Variants in RALYL observed in about 807,000 individuals in gnomAD.
RALYL encodes the protein RALY RNA binding protein like.
In RALYL, 29 loss-of-function variants were observed where a neutral mutation model predicts 35.1. The observed-to-expected ratio is 0.83, with a 90% CI of 0.61 to 1.13. The LOEUF (loss-of-function observed/expected upper bound fraction) is 1.13. Ranked by LOEUF, RALYL falls within the 50% of genes most tolerant of loss-of-function variation. The probability of loss-of-function intolerance (pLI) is 0.00; values close to 1 mark genes in which losing one functional copy is unlikely to be tolerated. For missense variants in RALYL, 359 were observed against 360.4 expected, an observed-to-expected ratio of 1.00 and a Z score of 0.03; for synonymous variants, 120 against 127.6, an observed-to-expected ratio of 0.94 and a Z score of 0.40.
chr8:84,418,870 C>T (rs111605002), intron 1 of RALYL, among the ~76,000 whole-genome samples: 4,450 of 152,162 alleles, frequency 0.029, 217 homozygotes, highest in African/African-American at 0.1. Flanking sequence ...CCTGCCATTT[C>T]TTTGGATTTT....
intron 2 of RALYL, among the ~76,000 whole-genome samples, chr8:84,597,283 C>A (rs1814788205): frequency 6.6e-6 from 1 of 152,092 alleles, no homozygotes; most frequent in Admixed American, 6.6e-5. Context: ...ACTTTCTTCC[C>A]CAATTCTCTA....
intron 1 of RALYL, among the ~76,000 whole-genome samples, chr8:84,445,499 T>TA: frequency 6.6e-6 from 1 of 152,028 alleles, no homozygotes; most frequent in African/African-American, 2.4e-5. Context: ...GTATTAAAAC[T>TA]GTAGTACGTG....
At chr8:84,443,834 T>C (rs1307341147) in intron 1 of RALYL, among the ~76,000 whole-genome samples, 3 of 152,074 alleles carry the variant, frequency 2.0e-5, no homozygotes, top group Admixed American at 2.0e-4. Context: ...ACTTCTTAAT[T>C]ACATACTAAT....
chr8:84,750,561 C>T (rs879817938), intron 2 of RALYL, among the ~76,000 whole-genome samples: 2 of 152,118 alleles, frequency 1.3e-5, no homozygotes, highest in African/African-American at 2.4e-5. Context: ...ATGTAATCCT[C>T]AATTTGCCAG....
intron 2 of RALYL, among the ~76,000 whole-genome samples, chr8:84,587,818 A>T (rs987814471): frequency 2.6e-5 from 4 of 152,342 alleles, no homozygotes; most frequent in African/African-American, 9.6e-5. Flanking sequence ...CATTCTACTA[A>T]GGATGGCTGG....
intron 8 of RALYL, among the ~76,000 whole-genome samples, chr8:84,904,875 C>T (rs1846234284): frequency 6.6e-6 from 1 of 152,024 alleles, no homozygotes; most frequent in Non-Finnish European, 1.5e-5. Flanking sequence ...ATATTCCACC[C>T]AATTTTCTTA....
At chr8:84,868,108 G>A (rs926157314) in intron 6 of RALYL, among the ~76,000 whole-genome samples, 3 of 152,070 alleles carry the variant, frequency 2.0e-5, no homozygotes, top group African/African-American at 4.8e-5. Context: ...GCAGTGGGGG[G>A]TAGGAGGGTG....
intron 3 of RALYL, among the ~76,000 whole-genome samples, chr8:84,804,286 C>A (rs1034219474): frequency 6.6e-6 from 1 of 152,162 alleles, no homozygotes; most frequent in Admixed American, 6.5e-5. Context: ...TGAGCTGACA[C>A]TACCCCACCC....
chr8:84,492,891 G>A (rs990274408), intron 1 of RALYL, among the ~76,000 whole-genome samples: 11 of 146,752 alleles, frequency 7.5e-5, no homozygotes, highest in Non-Finnish European at 1.2e-4. Flanking sequence ...ACTTAGAGTA[G>A]ACACAATATA....
chr8:84,663,307 T>A (rs2131683039), intron 2 of RALYL, among the ~76,000 whole-genome samples: 1 of 152,310 alleles, frequency 6.6e-6, no homozygotes, highest in South Asian at 2.1e-4. Context: ...TGTGCATGTA[T>A]CTTTATAATA....
chr8:84,206,894 G>A (rs1214192168), intron 1 of RALYL, among the ~76,000 whole-genome samples: 1 of 152,092 alleles, frequency 6.6e-6, no homozygotes, highest in African/African-American at 2.4e-5. Flanking sequence ...AAGAAGAAAT[G>A]CAAATGGCCA....
intron 1 of RALYL, among the ~76,000 whole-genome samples, chr8:84,448,389 T>C (rs1421016999): frequency 6.6e-6 from 1 of 152,070 alleles, no homozygotes; most frequent in Non-Finnish European, 1.5e-5. Flanking sequence ...GTGCAACTCA[T>C]GGACAATTTC....
chr8:84,808,503 A>G (rs1275131699), intron 4 of RALYL, among the ~76,000 whole-genome samples: 1 of 152,074 alleles, frequency 6.6e-6, no homozygotes, highest in Non-Finnish European at 1.5e-5. Flanking sequence ...TTTTGGTTCC[A>G]TATGAATTTT....
At chr8:84,441,283 TC>T (rs2048304189) in intron 1 of RALYL, among the ~76,000 whole-genome samples, 1 of 152,062 alleles carries the variant, frequency 6.6e-6, no homozygotes, top group South Asian at 2.1e-4. Flanking sequence ...CTCTACAGAT[TC>T]AAAAGTAAAT....
At chr8:84,219,034 T>C (rs920078225) in intron 1 of RALYL, among the ~76,000 whole-genome samples, 4 of 152,052 alleles carry the variant, frequency 2.6e-5, no homozygotes, top group Admixed American at 2.6e-4. Context: ...TCTTGGATAA[T>C]GTGATGCAGA....
chr8:84,435,221 C>T (rs1350894611), intron 1 of RALYL, among the ~76,000 whole-genome samples: 3 of 152,072 alleles, frequency 2.0e-5, no homozygotes, highest in Non-Finnish European at 4.4e-5. Flanking sequence ...AGCTTACTAG[C>T]CTACACAGAT....
intron 2 of RALYL, 105 bp downstream of exon 2, chr8:84,529,682 C>A: frequency 8.2e-6 from 7 of 852,602 alleles, no homozygotes; most frequent in South Asian, 2.6e-5. Context: ...CTTCTTTAAC[C>A]AATTAGAGTG....
intron 1 of RALYL, among the ~76,000 whole-genome samples, chr8:84,215,526 T>A (rs1820597928): frequency 6.9e-6 from 1 of 145,702 alleles, no homozygotes. Flanking sequence ...TATACATTTA[T>A]TTATGCATAA....
At chr8:84,801,581 G>GAGTT (rs1176775935) in intron 3 of RALYL, among the ~76,000 whole-genome samples, 1 of 152,136 alleles carries the variant, frequency 6.6e-6, no homozygotes. Flanking sequence ...CTTTAAGAAG[G>GAGTT]AGTTAGATTG....
Sources: allele counts gnomAD v4.1 joint callset (sites outside exome capture counted in the v4.1 genomes callset), GRCh38; gene constraint gnomAD v4.1.1; transcripts MANE v1.5; gene names NCBI Gene and HGNC (gene_info 2026-07-23, HGNC 2026-07-21).